The following CYGB variants were observed in gnomAD, a reference collection of about 807,000 sequenced individuals.
The protein encoded by CYGB is histoglobin.
CYGB carries 13 observed loss-of-function variants against 20.7 expected under a neutral mutation model. The ratio of observed to expected loss-of-function variants is 0.63; its 90% confidence interval spans 0.41 to 1.00. The LOEUF (loss-of-function observed/expected upper bound fraction) is 1.00. Ranked by LOEUF, CYGB falls within the 50% of genes least tolerant of loss-of-function variation. The pLI, the probability that CYGB is intolerant of heterozygous loss-of-function variation, is 0.00. For missense variants in CYGB, 218 were observed against 257.2 expected (o/e 0.85, Z 1.04); for synonymous variants, 93 against 107.4 (o/e 0.87, Z 0.83).
chr17:76,536,718 G>A (rs2074917586), intron 1 of CYGB, among the ~76,000 whole-genome samples: 1 of 152,092 alleles, frequency 6.6e-6, no homozygotes, highest in African/African-American at 2.4e-5. Flanking sequence ...GAGGTTTTAG[G>A]GTTAGGCCCT....
chr17:76,546,980 G>C lies in CYGB; in HGVS notation c.-53+3882C>G, dbSNP rs1267394358. On this transcript the variant is annotated intron_variant, in intron 1 of 3. Transcript: ENST00000589145. This position sits in a 1 kb window ranked among gnomAD's most constrained non-coding sequence, Gnocchi z 4.5. Reference sequence around the variant, plus strand: ...AGAGGGGGCCCAAGTCTCGAGTTGGGGGCCGTGAGGAAATTTTGATTGTGA... The same window carrying C: ...AGAGGGGGCCCAAGTCTCGAGTTGGCGGCCGTGAGGAAATTTTGATTGTGA... 6.6e-6 allele frequency: 1 copy of C among 152,212 alleles called. No individual in the cohort carries two copies. Among genetic ancestry groups the C allele is most frequent in the Non-Finnish European group, 1.5e-5 (1 of 68,034 alleles). The allele number at this position is 152,212 out of a possible 1,614,324, so 9.4% of individuals were successfully genotyped here. A position where few individuals can be genotyped will look rare whatever the true frequency, so the allele number is the denominator to read the frequency against.
chr17:76,540,556 C>A (rs781553592), upstream of CYGB: 6 of 1,613,452 alleles, frequency 3.7e-6, no homozygotes, highest in South Asian at 4.4e-5. This position sits in a 1 kb window ranked among gnomAD's most constrained non-coding sequence, Gnocchi z 5.0. Context: ...TGGATGCGGA[C>A]CCTCAGTCCT....
At chr17:76,550,262 GTTC>G (rs1279493071) in intron 1 of CYGB, 1 of 146,462 alleles carries the variant, frequency 6.8e-6, no homozygotes, top group Non-Finnish European at 1.5e-5. Flanking sequence ...AGCCTAGAAG[GTTC>G]TTTTTTTTTT....
At position 76,527,701 on chromosome 17, in the gene CYGB, G is replaced by A. The variant is rs573805475; in HGVS notation, c.*877C>T. The A allele has an allele frequency of 2.6e-5, 12 of 454,016 alleles. No homozygotes were observed. Among genetic ancestry groups the A allele is most frequent in the East Asian group, 7.0e-5 (1 of 14,378 alleles). The allele number at this position is 454,016 out of a possible 1,614,324, so 28.1% of individuals were successfully genotyped here. A position where few individuals can be genotyped will look rare whatever the true frequency, so the allele number is the denominator to read the frequency against. Reference sequence around the variant, plus strand: ...CCGCCGACCTGCTGCCCAGCAGCCCGGATCCCCCGGGGCTGCCCTGGTGGC... The same window carrying A: ...CCGCCGACCTGCTGCCCAGCAGCCCAGATCCCCCGGGGCTGCCCTGGTGGC... On this transcript the variant is annotated 3_prime_UTR_variant, in exon 4 of 4. Transcript: ENST00000293230.
chr17:76,528,220 G>C lies in CYGB; in HGVS notation c.*358C>G. The stretch of plus-strand genomic sequence containing the variant: ...GTGATACTCTAGATGGTGATGTGGA[G>C]ACCTGCATGCTGGCCGGGCTGATAG... On this transcript the variant is annotated 3_prime_UTR_variant, in exon 4 of 4. Coordinates refer to ENST00000293230, the MANE Select transcript of CYGB (RefSeq NM_134268.5). The surrounding 1 kb of genome is among the most constrained non-coding windows in gnomAD (Gnocchi z 5.8). The C allele has an allele frequency of 2.5e-6, 1 of 398,400 alleles. No homozygotes were observed. Among genetic ancestry groups the C allele is most frequent in the Middle Eastern group, 6.3e-4 (1 of 1,588 alleles). The allele number at this position is 398,400 out of a possible 1,614,324, so 24.7% of individuals were successfully genotyped here.
upstream of CYGB, chr17:76,540,197 T>C (rs201363694): frequency 6.5e-7 from 1 of 1,545,306 alleles, no homozygotes; most frequent in African/African-American, 1.4e-5. The surrounding 1 kb of genome is among the most constrained non-coding windows in gnomAD (Gnocchi z 5.0). Context: ...CGCCGCCGAT[T>C]TGCCAACCGA....
chr17:76,537,038 G>T (rs976451215), intron 1 of CYGB, among the ~76,000 whole-genome samples: 1 of 152,218 alleles, frequency 6.6e-6, no homozygotes, highest in Non-Finnish European at 1.5e-5. Flanking sequence ...TCTAAAATGG[G>T]GAGCCCCTGC....
In CYGB at chr17:76,531,246, G is replaced by A. The variant is rs2074837239; in HGVS notation, c.376-104C>T. ...TGTGGCCGAGAGGATCATTCCTAAC[G>A]CAACAGTCTGGCAGCTTTGGGAACC... On this transcript the variant is annotated intron_variant, in intron 2 of 3. Transcript: ENST00000293230. The surrounding 1 kb of genome is among the most constrained non-coding windows in gnomAD (Gnocchi z 7.4). 18 of 1,338,210 alleles carry A rather than the reference G, an allele frequency of 1.3e-5. No individual in the cohort carries two copies. Among genetic ancestry groups the A allele is most frequent in the Admixed American group, 2.2e-5 (1 of 44,862 alleles). The allele number at this position is 1,338,210 out of a possible 1,614,324, so 82.9% of individuals were successfully genotyped here.
exon 1 of CYGB, chr17:76,551,146 G>C (rs1338561705): frequency 6.6e-6 from 1 of 152,180 alleles, no homozygotes; most frequent in African/African-American, 2.4e-5. Context: ...AACTTCGCAG[G>C]AAGTATTTAA....
intron 1 of CYGB, chr17:76,543,149 C>A: frequency 2.1e-6 from 1 of 466,972 alleles, no homozygotes; most frequent in Non-Finnish European, 4.5e-6. Context: ...AGCCCGGGAC[C>A]TGCCAGTCTC....
At chr17:76,543,169 C>CAGGCCCT (rs1448949810) in intron 1 of CYGB, 1 of 460,692 alleles carries the variant, frequency 2.2e-6, no homozygotes, top group South Asian at 1.6e-5. Flanking sequence ...CCCCTTCCCC[C>CAGGCCCT]AGGCCCTGGG....
chr17:76,547,656 CACACACAT>C (rs2075064945), intron 1 of CYGB, among the ~76,000 whole-genome samples: 1 of 151,504 alleles, frequency 6.6e-6, no homozygotes, highest in Non-Finnish European at 1.5e-5. Context: ...CACACACACA[CACACACAT>C]ATTCACACAC....
At chr17:76,536,624 C>T (rs779290579) in intron 1 of CYGB, among the ~76,000 whole-genome samples, 9 of 152,122 alleles carry the variant, frequency 5.9e-5, no homozygotes, top group Admixed American at 3.3e-4. Context: ...AAGAACGGGG[C>T]GCTCTGTGTT....
At chr17:76,544,724 G>A (rs1381448366) in intron 1 of CYGB, 1 of 456,798 alleles carries the variant, frequency 2.2e-6, no homozygotes, top group African/African-American at 2.0e-5. Context: ...GACCCAGTCT[G>A]TGTTCCCCGA....
upstream of CYGB, chr17:76,540,007 G>A: frequency 5.5e-6 from 5 of 910,208 alleles, no homozygotes; most frequent in East Asian, 7.9e-5. The surrounding 1 kb of genome is among the most constrained non-coding windows in gnomAD (Gnocchi z 5.0). Flanking sequence ...TAATCAGCTT[G>A]AGCCTCCTAA....
intron 1 of CYGB, among the ~76,000 whole-genome samples, chr17:76,535,275 G>C (rs2074902707): frequency 6.6e-6 from 1 of 152,208 alleles, no homozygotes; most frequent in Non-Finnish European, 1.5e-5. Flanking sequence ...AGTGGGGAGG[G>C]CAGAGGTGAG....
intron 1 of CYGB, among the ~76,000 whole-genome samples, chr17:76,532,426 T>A (rs2074856090): frequency 6.6e-6 from 1 of 152,124 alleles, no homozygotes; most frequent in African/African-American, 2.4e-5. Flanking sequence ...TCAGGTGACC[T>A]TCCCTGCCCT....
chr17:76,542,601 G>C, upstream of CYGB: 1 of 1,614,012 alleles, frequency 6.2e-7, no homozygotes. Context: ...GTGGGGCTCA[G>C]GCCCAGAGAC....
rs1474200005 is a variant in CYGB, at chr17:76,546,344, G to A, written c.-53+4518C>T. ...GCGGTGGGGGTGTGGTGGGAGCCAG[G>A]GAAGTAGCCACTGCAGCTGTGGCTG... On this transcript the variant is annotated intron_variant, in intron 1 of 3. Coordinates refer to the CYGB transcript ENST00000589145. The surrounding 1 kb of genome is among the most constrained non-coding windows in gnomAD (Gnocchi z 4.5). The A allele has an allele frequency of 6.6e-6, 1 of 152,200 alleles. No homozygotes were observed. The highest frequency in any genetic ancestry group is 1.5e-5 in the Non-Finnish European group (1 of 68,094). 9.4% of individuals were successfully genotyped at this position (152,200 alleles called of 1,614,324 possible). A position where few individuals can be genotyped will look rare whatever the true frequency, so the allele number is the denominator to read the frequency against.
Sources: allele counts gnomAD v4.1 joint callset (sites outside exome capture counted in the v4.1 genomes callset), GRCh38; gene constraint gnomAD v4.1.1; non-coding constraint Gnocchi (gnomAD v3.1); transcripts MANE v1.5; gene names NCBI Gene and HGNC (gene_info 2026-07-23, HGNC 2026-07-21).